CERT1: variants seen among roughly 807,000 people sequenced by gnomAD.
CERT1 encodes the protein ceramide transporter 1.
A neutral mutation model predicts 87.9 loss-of-function variants in CERT1; 31 were observed. The observed-to-expected ratio is 0.35, with a 90% CI of 0.27 to 0.48. The LOEUF is 0.48. Ranked by LOEUF, CERT1 falls within the 20% of genes least tolerant of loss-of-function variation. The pLI is 0.99. For synonymous variants in CERT1, 289 were observed against 250.9 expected (o/e 1.15, Z -1.44); for missense variants, 487 against 758.0 (o/e 0.64, Z 4.20).
chr5:75,467,461 C>T (rs568368007), intron 2 of CERT1, among the ~76,000 whole-genome samples: 6 of 151,748 alleles, frequency 4.0e-5, no homozygotes, highest in Middle Eastern at 3.4e-3. Context: ...GTCAACATGG[C>T]GAAACCCCAT....
At chr5:75,385,591 C>T (rs1761753298) in intron 13 of CERT1, among the ~76,000 whole-genome samples, 1 of 152,214 alleles carries the variant, frequency 6.6e-6, no homozygotes, top group Admixed American at 6.5e-5. Flanking sequence ...CTTGGCTTCT[C>T]CACCATATAG....
intron 2 of CERT1, among the ~76,000 whole-genome samples, chr5:75,462,960 C>G (rs935380972): frequency 6.9e-6 from 1 of 143,936 alleles, no homozygotes; most frequent in East Asian, 2.0e-4. Flanking sequence ...CTACTGTACT[C>G]CAGCCCGGCG....
rs529087090 is a variant in CERT1, at chr5:75,400,150, C to G, written c.1110+55G>C. 54 of 1,267,734 alleles carry G rather than the reference C, an allele frequency of 4.3e-5. No homozygotes were observed. The African/African-American group carries it at 7.3e-4, about 17-fold the overall frequency. 78.5% of individuals were successfully genotyped at this position (1,267,734 alleles called of 1,614,324 possible). A position where few individuals can be genotyped will look rare whatever the true frequency, so the allele number is the denominator to read the frequency against. ...CGTCTCAAATAAAAGATATTTCCACCAACAATGAAGAACAATACAAGGTGT... is the reference window on the plus strand; with the variant it reads ...CGTCTCAAATAAAAGATATTTCCACGAACAATGAAGAACAATACAAGGTGT... On this transcript the variant is annotated intron_variant, in intron 10 of 16. Coordinates refer to ENST00000643780, the MANE Select transcript of CERT1 (RefSeq NM_001379029.1).
chr5:75,443,472 C>T (rs1764404931), intron 3 of CERT1, among the ~76,000 whole-genome samples: 1 of 152,136 alleles, frequency 6.6e-6, no homozygotes, highest in Non-Finnish European at 1.5e-5. Flanking sequence ...TTCCATGATT[C>T]TGTAAATTTT....
At chr5:75,493,087 T>G (rs1309657609) in intron 2 of CERT1, among the ~76,000 whole-genome samples, 1 of 152,240 alleles carries the variant, frequency 6.6e-6, no homozygotes, top group African/African-American at 2.4e-5. Context: ...TTCCTTGTTT[T>G]GATGGGGCAT....
At chr5:75,443,349 C>T (rs1209030716) in intron 3 of CERT1, among the ~76,000 whole-genome samples, 3 of 151,996 alleles carry the variant, frequency 2.0e-5, no homozygotes, top group Non-Finnish European at 4.4e-5. Context: ...GGCTATATTT[C>T]TCCCTTAGCA....
chr5:75,405,882 G>A (rs1469819535), intron 8 of CERT1, among the ~76,000 whole-genome samples: 1 of 151,254 alleles, frequency 6.6e-6, no homozygotes, highest in Non-Finnish European at 1.5e-5. Flanking sequence ...TGGGGGGGGG[G>A]GGGGTCTTGT....
intron 2 of CERT1, 21 bp downstream of exon 2, chr5:75,505,961 T>A (rs1034075073): frequency 3.1e-6 from 5 of 1,603,344 alleles, no homozygotes; most frequent in African/African-American, 2.7e-5. Flanking sequence ...ATTTGTTGAA[T>A]GAAGAAGAAA....
chr5:75,433,183 T>C (rs976830768), intron 3 of CERT1, among the ~76,000 whole-genome samples: 3 of 152,232 alleles, frequency 2.0e-5, no homozygotes, highest in Non-Finnish European at 4.4e-5. Context: ...GGGACCTTTA[T>C]TGGTACCATA....
intron 2 of CERT1, among the ~76,000 whole-genome samples, chr5:75,482,003 C>T (rs1182766232): frequency 6.6e-6 from 1 of 152,068 alleles, no homozygotes; most frequent in Non-Finnish European, 1.5e-5. Context: ...AGGACCTTAC[C>T]AGAACTTATT....
chr5:75,380,916 A>G (rs1001170835), intron 16 of CERT1, among the ~76,000 whole-genome samples, 156 bp downstream of exon 16: 6 of 152,214 alleles, frequency 3.9e-5, no homozygotes, highest in African/African-American at 1.4e-4. Context: ...CTGTACTTTC[A>G]AAGATTCTCT....
chr5:75,409,830 C>CT (rs1762856445), intron 8 of CERT1, among the ~76,000 whole-genome samples: 2 of 143,206 alleles, frequency 1.4e-5, no homozygotes, highest in African/African-American at 2.5e-5. Context: ...CTGGCCAACA[C>CT]GTTTTTTTTT....
chr5:75,434,967 T>C, intron 3 of CERT1, among the ~76,000 whole-genome samples: 1 of 152,196 alleles, frequency 6.6e-6, no homozygotes, highest in East Asian at 1.9e-4. Context: ...ACAGATTACA[T>C]GTCTCAGTTT....
chr5:75,393,809 T>TA (rs1177512858), intron 11 of CERT1, among the ~76,000 whole-genome samples: 4 of 148,560 alleles, frequency 2.7e-5, no homozygotes, highest in African/African-American at 7.4e-5. Flanking sequence ...ACTAAAAATA[T>TA]AAAAAATTAG....
intron 12 of CERT1, among the ~76,000 whole-genome samples, chr5:75,387,616 C>T (rs894411421): frequency 6.6e-6 from 1 of 151,166 alleles, no homozygotes; most frequent in African/African-American, 2.4e-5. Context: ...GTGGCGGGTG[C>T]CTGTAATCCC....
intron 12 of CERT1, 101 bp from the exon 13 acceptor site, chr5:75,386,135 A>G (rs1761775416): frequency 4.3e-6 from 4 of 919,678 alleles, no homozygotes; most frequent in Admixed American, 3.4e-5. Context: ...GATTTTTATG[A>G]AAGTCTATTT....
At chr5:75,372,286 A>G (rs1429653669) in intron 17 of CERT1, 1 of 152,202 alleles carries the variant, frequency 6.6e-6, no homozygotes, top group Non-Finnish European at 1.5e-5. Flanking sequence ...GATTCTTATC[A>G]GCGGCTATGG....
chr5:75,503,363 C>T (rs1767475003), intron 2 of CERT1, among the ~76,000 whole-genome samples: 1 of 151,738 alleles, frequency 6.6e-6, no homozygotes, highest in Admixed American at 6.6e-5. Flanking sequence ...TGACAATAGG[C>T]ATAGCCCATA....
At chr5:75,385,059 T>G (rs114314935) in intron 13 of CERT1, among the ~76,000 whole-genome samples, 1 of 152,164 alleles carries the variant, frequency 6.6e-6, no homozygotes, top group Non-Finnish European at 1.5e-5. Flanking sequence ...AATTGTTATA[T>G]CTAATCTTAG....
Sources: gnomAD v4.1 joint callset for allele counts (sites outside exome capture counted in the v4.1 genomes callset) on GRCh38, gnomAD v4.1.1 for gene constraint, MANE v1.5 for transcripts, NCBI Gene and HGNC (gene_info 2026-07-23, HGNC 2026-07-21) for gene names.